Variants in TP63 observed in about 807,000 individuals in gnomAD.
The protein encoded by TP63 is tumor protein 63.
A neutral mutation model predicts 82.8 loss-of-function variants in TP63; 17 were observed. The observed-to-expected ratio is 0.21, with a 90% CI of 0.14 to 0.31. The LOEUF (loss-of-function observed/expected upper bound fraction) is 0.31. Among genes scored for constraint, TP63 ranks in the 10% least tolerant of loss-of-function variants. TP63 has a pLI of 1.00. For missense variants in TP63, 648 were observed against 895.3 expected (o/e 0.72, Z 3.52); for synonymous variants, 330 against 321.7 (o/e 1.03, Z -0.28).
At chr3:189,710,505 C>G (rs1191103394) in intron 1 of TP63, among the ~76,000 whole-genome samples, 2 of 151,882 alleles carry the variant, frequency 1.3e-5, no homozygotes, top group African/African-American at 4.8e-5. Context: ...TTTAGCTTCC[C>G]TCAATATTTC....
chr3:189,809,588 A>G (rs1288244691), intron 4 of TP63, among the ~76,000 whole-genome samples: 55 of 152,346 alleles, frequency 3.6e-4, no homozygotes, highest in Admixed American at 3.6e-3. Flanking sequence ...GCTTCCAAAT[A>G]TCATCATCTT....
rs544464331 is a variant in TP63, at chr3:189,716,066, C to T, written c.63-21674C>T. Among the ~76,000 whole-genome samples the T allele has an allele frequency of 8.5e-5, 13 of 152,240 alleles. No individual in the cohort carries two copies. In the East Asian group the frequency reaches 2.5e-3, roughly 29 times the overall value. On this transcript the variant is annotated intron_variant, in intron 1 of 13. Transcript: ENST00000264731. ...ATATAGCACATTAAATATTTTTATT[C>T]CTGTTCCACATATGAGGAAACTGAG... is the stretch of plus-strand genomic sequence containing the variant.
rs139971230 is a variant in TP63, at chr3:189,828,990, G to A, written c.579+20464G>A. ...GGAAAATGTATTTGGCCTTTGACTC[G>A]TGGTTGGTCCTCAGTGAATGTTCAG... On this transcript the variant is annotated intron_variant, in intron 4 of 13. Coordinates refer to ENST00000264731, the MANE Select transcript of TP63 (RefSeq NM_003722.5). Among the ~76,000 whole-genome samples the A allele has an allele frequency of 1.7e-3, 260 of 152,280 alleles. 1 individual carries two copies. Among genetic ancestry groups the A allele is most frequent in the African/African-American group, 6.0e-3 (249 of 41,564 alleles).
chr3:189,667,036 A>C (rs572713339), intron 1 of TP63, among the ~76,000 whole-genome samples: 1 of 151,872 alleles, frequency 6.6e-6, no homozygotes, highest in Admixed American at 6.6e-5. Flanking sequence ...AAAAAAAAAA[A>C]AAAAACTCAT....
At chr3:189,851,431 C>T (rs1177673531) in intron 4 of TP63, among the ~76,000 whole-genome samples, 3 of 152,008 alleles carry the variant, frequency 2.0e-5, no homozygotes, top group Non-Finnish European at 4.4e-5. Context: ...AAAAATTAAC[C>T]GGGCGTAGTG....
intron 10 of TP63, chr3:189,881,078 A>G (rs1719860335): frequency 1.6e-5 from 16 of 985,236 alleles, no homozygotes; most frequent in Non-Finnish European, 1.9e-5. Flanking sequence ...CTCTCACAAA[A>G]TCTGTGATTA....
chr3:189,855,299 A>G (rs1716148151), intron 4 of TP63, among the ~76,000 whole-genome samples: 1 of 152,174 alleles, frequency 6.6e-6, no homozygotes, highest in South Asian at 2.1e-4. Context: ...GTGCCACTTT[A>G]TTTTTTAAAA....
intron 3 of TP63, among the ~76,000 whole-genome samples, chr3:189,767,297 A>G (rs1248044100): frequency 1.3e-5 from 2 of 152,136 alleles, no homozygotes; most frequent in South Asian, 2.1e-4. Context: ...AAAAAAAAAC[A>G]TGAACAGTAA....
intron 4 of TP63, among the ~76,000 whole-genome samples, chr3:189,836,535 C>T (rs1258246608): frequency 6.6e-6 from 1 of 152,188 alleles, no homozygotes; most frequent in African/African-American, 2.4e-5. Context: ...TAATAATTCT[C>T]ATTCATCTAC....
chr3:189,742,227 G>A (rs1030899466), intron 3 of TP63, among the ~76,000 whole-genome samples: 1 of 79,272 alleles, frequency 1.3e-5, no homozygotes, highest in Non-Finnish European at 2.2e-5. Context: ...TGGGCAACAA[G>A]AGCAAAACTC....
intron 4 of TP63, among the ~76,000 whole-genome samples, chr3:189,817,083 T>C (rs559286358): frequency 9.2e-5 from 14 of 152,244 alleles, no homozygotes; most frequent in African/African-American, 3.1e-4. Context: ...CCTTAATTGC[T>C]AATTGTGTTA....
At chr3:189,720,900 T>C (rs10804920) in intron 1 of TP63, among the ~76,000 whole-genome samples, 84,346 of 151,964 alleles carry the variant, frequency 0.56, 23,596 homozygotes, top group Middle Eastern at 0.7. Context: ...AGCAGCCACA[T>C]GGCAATCACA....
At chr3:189,874,458 C>T (rs188943112) in intron 10 of TP63, among the ~76,000 whole-genome samples, 238 of 152,186 alleles carry the variant, frequency 1.6e-3, no homozygotes, top group Non-Finnish European at 2.5e-3. Context: ...GTGGAGTAGA[C>T]GGCAGGGAGA....
intron 12 of TP63, among the ~76,000 whole-genome samples, chr3:189,890,243 A>G (rs896614325): frequency 1.3e-5 from 2 of 152,180 alleles, no homozygotes; most frequent in Admixed American, 6.5e-5. Flanking sequence ...CTGTTCTGTA[A>G]TGATGGTGGC....
At chr3:189,829,231 A>G (rs1384566468) in intron 4 of TP63, among the ~76,000 whole-genome samples, 5 of 152,200 alleles carry the variant, frequency 3.3e-5, no homozygotes, top group African/African-American at 1.2e-4. Flanking sequence ...CAGACCCAAG[A>G]CCCAACCATC....
At chr3:189,819,231 T>C (rs1478711700) in intron 4 of TP63, among the ~76,000 whole-genome samples, 1 of 152,222 alleles carries the variant, frequency 6.6e-6, no homozygotes, top group African/African-American at 2.4e-5. Flanking sequence ...TCTGCTTTGC[T>C]TATTCTCCCA....
chr3:189,776,216 TA>T (rs1389343819), intron 3 of TP63, among the ~76,000 whole-genome samples: 1 of 152,250 alleles, frequency 6.6e-6, no homozygotes, highest in Non-Finnish European at 1.5e-5. Context: ...TCTCTTGATG[TA>T]ATATTCTTTA....
chr3:189,749,601 A>G (rs1185103460), intron 3 of TP63, among the ~76,000 whole-genome samples: 1 of 152,204 alleles, frequency 6.6e-6, no homozygotes, highest in East Asian at 1.9e-4. Context: ...ATGTCAATTA[A>G]TACAACCACT....
intron 1 of TP63, among the ~76,000 whole-genome samples, chr3:189,684,761 G>GC (rs1452098109): frequency 6.6e-6 from 1 of 151,560 alleles, no homozygotes; most frequent in East Asian, 1.9e-4. Context: ...CTCCCGAGTA[G>GC]CTGAGATTAC....
Sources: allele counts gnomAD v4.1 joint callset (sites outside exome capture counted in the v4.1 genomes callset), GRCh38; gene constraint gnomAD v4.1.1; transcripts MANE v1.5; gene names NCBI Gene and HGNC (gene_info 2026-07-23, HGNC 2026-07-21).